STAT5A: variants seen among roughly 807,000 people sequenced by gnomAD.
STAT5A encodes signal transducer and activator of transcription 5A.
A neutral mutation model predicts 100.2 loss-of-function variants in STAT5A; 26 were observed. The observed-to-expected ratio is 0.26, with a 90% CI of 0.19 to 0.36. The LOEUF (loss-of-function observed/expected upper bound fraction) is 0.36, where lower values mean the gene tolerates loss of function less well. Ranked by LOEUF, STAT5A falls within the 10% of genes least tolerant of loss-of-function variation. The pLI is 1.00. For missense variants in STAT5A, 634 were observed against 1,027.5 expected (o/e 0.62, Z 5.24); for synonymous variants, 330 against 424.3 (o/e 0.78, Z 2.73).
rs898213919 is a variant in STAT5A at position 42,304,426 on chromosome 17, C to T, written c.1254C>T (p.Asn418=). ...GCACCCTCAGTGCCCACTTCAGGAA[C>T]ATGGTGAGGACGGGGCCCACCCTCG... ...ATGTLSAHFR[N]MSLKRIKRAD... Residue 418 remains asparagine (N), a synonymous_variant, in exon 10 of 19, where the codon AAC becomes AAT. Transcript: ENST00000590949. The surrounding 1 kb of genome is among the most constrained non-coding windows in gnomAD (Gnocchi z 4.8). 1 of 1,614,134 alleles carries T rather than the reference C, an allele frequency of 6.2e-7. No individual in the cohort carries two copies.
intron 3 of STAT5A, 64 bp downstream of exon 3, chr17:42,290,086 C>T: frequency 6.7e-7 from 1 of 1,498,142 alleles, no homozygotes; most frequent in Non-Finnish European, 8.9e-7. Context: ...ATCAGAACCC[C>T]TGGGTTTTTT....
chr17:42,309,237 T>C, intron 17 of STAT5A, 139 bp downstream of exon 17: 1 of 1,548,818 alleles, frequency 6.5e-7, no homozygotes, highest in South Asian at 1.1e-5. Flanking sequence ...TCCCCTCTCC[T>C]GTAGCTGGAG....
In STAT5A at chr17:42,290,007, C is replaced by T. The variant is rs570501894; in HGVS notation, c.270C>T (p.Tyr90=). 95 of 1,612,580 alleles carry T rather than the reference C, an allele frequency of 5.9e-5. No homozygotes were observed. The highest frequency in any genetic ancestry group is 1.7e-4 in the Middle Eastern group (1 of 5,848). Residue 90 remains tyrosine (Y), a synonymous_variant, in exon 3 of 19, where the codon TAC becomes TAT. Transcript: ENST00000590949. The stretch of plus-strand genomic sequence containing the variant: ...TACTGAAGATCAAGCTGGGGCACTA[C>T]GCCACGCAGCTCCAGGTGGGTGTAG... ...GFLLKIKLGH[Y]ATQLQKTYDR... is the part of the protein sequence containing the mutation.
Position 42,300,125 on chromosome 17 carries a change from C to G in STAT5A, c.682-5C>G. 7.1e-7 allele frequency: 1 copy of G among 1,405,106 alleles called. No homozygotes were observed. 87.0% of individuals were successfully genotyped at this position (1,405,106 alleles called of 1,614,324 possible). A position where few individuals can be genotyped will look rare whatever the true frequency, so the allele number is the denominator to read the frequency against. ...AGAAGGGGCTGCTCTCCTCCCTTCC[C>G]TCAGGAGCTGGCCGAGAAGCACCAG... On this transcript the variant is annotated splice_polypyrimidine_tract_variant and splice_region_variant and intron_variant, in intron 6 of 18. Coordinates refer to ENST00000590949, the MANE Select transcript of STAT5A (RefSeq NM_001288718.2).
intron 3 of STAT5A, among the ~76,000 whole-genome samples, chr17:42,291,504 G>T (rs2080868224): frequency 6.6e-6 from 1 of 152,104 alleles, no homozygotes; most frequent in African/African-American, 2.4e-5. Flanking sequence ...ATCACCTGAG[G>T]TCGGGAGTTC....
Position 42,304,672 on chromosome 17 carries a change from T to C in STAT5A, c.1380+20T>C, listed in dbSNP as rs1325460554. ...GTGAAGGTGAGACCCCCAGCCCTCC[T>C]GCCCCCACTGCTCCAGGTCACCCAA... On this transcript the variant is annotated intron_variant, in intron 11 of 18. Coordinates refer to ENST00000590949, the MANE Select transcript of STAT5A (RefSeq NM_001288718.2). This position sits in a 1 kb window ranked among gnomAD's most constrained non-coding sequence, Gnocchi z 4.8. The C allele has an allele frequency of 1.2e-6, 2 of 1,613,334 alleles. No homozygotes were observed. The highest frequency in any genetic ancestry group is 2.2e-5 in the South Asian group (2 of 90,908).
At chr17:42,299,308 A>C (rs1378892449) in intron 5 of STAT5A, among the ~76,000 whole-genome samples, 1 of 152,256 alleles carries the variant, frequency 6.6e-6, no homozygotes, top group Non-Finnish European at 1.5e-5. Flanking sequence ...CCACTGAGGC[A>C]GGTGCTGAGA....
chr17:42,298,532 C>G (rs1215059582), intron 5 of STAT5A, among the ~76,000 whole-genome samples: 1 of 148,936 alleles, frequency 6.7e-6, no homozygotes, highest in Non-Finnish European at 1.5e-5. Context: ...AGTGCAGTGG[C>G]CCAATCTCGG....
intron 3 of STAT5A, among the ~76,000 whole-genome samples, chr17:42,291,174 C>T (rs1245811770): frequency 6.6e-6 from 1 of 152,232 alleles, no homozygotes. Flanking sequence ...CTCGCATGTG[C>T]AGTTCACAAT....
At chr17:42,309,201 A>G (rs1005218467) in intron 17 of STAT5A, 103 bp downstream of exon 17, 1 of 1,597,212 alleles carries the variant, frequency 6.3e-7, no homozygotes, top group Non-Finnish European at 8.6e-7. Context: ...TCCCCCAGGG[A>G]ACCTGTCTCA....
At chr17:42,309,177 G>T (rs2081056977) in intron 17 of STAT5A, 79 bp downstream of exon 17, 1 of 1,610,958 alleles carries the variant, frequency 6.2e-7, no homozygotes, top group Non-Finnish European at 8.5e-7. Flanking sequence ...CTGATCCTGG[G>T]CCCAGCTTTC....
intron 1 of STAT5A, 167 bp from the exon 2 acceptor site, chr17:42,289,235 C>T: frequency 4.4e-6 from 3 of 686,596 alleles, no homozygotes; most frequent in Non-Finnish European, 4.4e-6. Context: ...GGATGGGCGG[C>T]CCTCCACTCC....
chr17:42,290,129 C>T (rs927380679), intron 3 of STAT5A, 107 bp downstream of exon 3: 8 of 1,368,276 alleles, frequency 5.8e-6, no homozygotes, highest in South Asian at 5.1e-5. Flanking sequence ...CATGTGACCA[C>T]GAACTTATTG....
Position 42,300,845 on chromosome 17 carries a change from G to A in STAT5A, c.964G>A (p.Asp322Asn), listed in dbSNP as rs2080970880. The A allele has an allele frequency of 1.9e-6, 3 of 1,612,448 alleles. No homozygotes were observed. The highest frequency in any genetic ancestry group is 1.7e-4 in the Middle Eastern group (1 of 5,762). The change falls in exon 8 of 19, where the codon GAC becomes AAC. Residue 322 changes from aspartate (D) to asparagine (N), a missense_variant. By Grantham distance (23) the Asp-to-Asn change is conservative. Coordinates refer to ENST00000590949, the MANE Select transcript of STAT5A (RefSeq NM_001288718.2). The stretch of plus-strand genomic sequence containing the variant: ...GGCCGAGGTCAACGCCACCATCACG[G>A]ACATTATCTCAGCCCTGGTGACCAG... ...MLAEVNATIT[D>N]IISALVTSTF...
intron 5 of STAT5A, among the ~76,000 whole-genome samples, chr17:42,296,629 C>A (rs1438487554): frequency 1.3e-5 from 2 of 152,014 alleles, no homozygotes; most frequent in African/African-American, 2.4e-5. Context: ...TTCTTCTTTT[C>A]TTTTCTTTCT....
At position 42,311,255 on chromosome 17, in the gene STAT5A, CTG is replaced by C. The variant is rs2081078337; in HGVS notation, c.*589_*590del. On this transcript the variant is annotated 3_prime_UTR_variant, in exon 19 of 19. Coordinates refer to ENST00000590949, the MANE Select transcript of STAT5A (RefSeq NM_001288718.2). ...TTAGTGAACGTGGACTCCAGACTCT[CTG>C]TGAACCCTATGAGAGCGCGTCTGGG... is the stretch of plus-strand genomic sequence containing the variant. 1 of 158,976 alleles carries C rather than the reference CTG, an allele frequency of 6.3e-6. No individual in the cohort carries two copies. The highest frequency in any genetic ancestry group is 2.4e-5 in the African/African-American group (1 of 41,550). 9.8% of individuals were successfully genotyped at this position (158,976 alleles called of 1,614,324 possible).
chr17:42,294,642 G>T (rs2080901359), intron 4 of STAT5A, among the ~76,000 whole-genome samples: 1 of 152,224 alleles, frequency 6.6e-6, no homozygotes, highest in Non-Finnish European at 1.5e-5. Flanking sequence ...TCTGATGCCA[G>T]AATGTTCCAG....
chr17:42,289,814 C>T, intron 2 of STAT5A, 52 bp from the exon 3 acceptor site: 2 of 1,462,830 alleles, frequency 1.4e-6, no homozygotes, highest in South Asian at 1.4e-5. Flanking sequence ...TCCCTGACCT[C>T]CTTGCCCAAG....
chr17:42,306,598 T>A, intron 13 of STAT5A, 151 bp downstream of exon 13: 1 of 1,180,588 alleles, frequency 8.5e-7, no homozygotes, highest in Non-Finnish European at 1.2e-6. Context: ...GCCCCTAGCC[T>A]CAAGAAATGC....
Sources: allele counts gnomAD v4.1 joint callset (sites outside exome capture counted in the v4.1 genomes callset), GRCh38; gene constraint gnomAD v4.1.1; non-coding constraint Gnocchi (gnomAD v3.1); transcripts MANE v1.5; gene names NCBI Gene and HGNC (gene_info 2026-07-23, HGNC 2026-07-21).